Variants in COL8A1 observed in about 807,000 individuals in gnomAD.
COL8A1 encodes the protein collagen type VIII alpha 1 chain, also known as collagen alpha-1(VIII) chain.
Under a neutral mutation model 42.7 loss-of-function variants are expected in COL8A1, and 21 were observed. That is an observed-to-expected ratio of 0.49 (90% CI 0.35 to 0.71). The LOEUF (loss-of-function observed/expected upper bound fraction) is 0.71. Ranked by LOEUF, COL8A1 falls within the 30% of genes least tolerant of loss-of-function variation. The probability of loss-of-function intolerance (pLI) is 0.01; values close to 1 mark genes in which losing one functional copy is unlikely to be tolerated. For missense variants in COL8A1, 788 were observed against 962.4 expected (o/e 0.82, Z 2.40); for synonymous variants, 367 against 369.1 (o/e 0.99, Z 0.06).
chr3:99,750,253 C>T (rs1397001422), intron 2 of COL8A1, among the ~76,000 whole-genome samples: 1 of 151,806 alleles, frequency 6.6e-6, no homozygotes, highest in South Asian at 2.1e-4. Flanking sequence ...GACAGGGTTT[C>T]GCCATGTTGG....
chr3:99,672,666 T>C (rs1334875633), intron 1 of COL8A1, among the ~76,000 whole-genome samples: 2 of 152,018 alleles, frequency 1.3e-5, no homozygotes, highest in Non-Finnish European at 2.9e-5. Flanking sequence ...ATAATTATAC[T>C]ACCAGTAATT....
At chr3:99,756,359 C>T (rs921937957) in intron 2 of COL8A1, among the ~76,000 whole-genome samples, 4 of 152,104 alleles carry the variant, frequency 2.6e-5, no homozygotes, top group African/African-American at 9.7e-5. Flanking sequence ...TTATATTCTG[C>T]CACATGGAGT....
In COL8A1 at chr3:99,662,634, C is replaced by T. The variant is rs144567750; in HGVS notation, c.-129+23970C>T. ...CTAAGGCTAGCACGACAAAATGCAA[C>T]AAACTGGGTGACTTGCAACAGTTCT... On this transcript the variant is annotated intron_variant, in intron 1 of 3. Transcript: ENST00000652472. 2.0e-3 allele frequency among the ~76,000 whole-genome samples: 308 copies of T among 152,246 alleles called. 3 individuals carry two copies. The highest frequency in any genetic ancestry group is 0.012 in the South Asian group (57 of 4,824).
rs550894788 is a variant in COL8A1, at chr3:99,797,216, C to T, written c.*1080C>T. The T allele has an allele frequency of 2.0e-5, 3 of 152,262 alleles. No individual in the cohort carries two copies. The highest frequency in any genetic ancestry group is 1.3e-4 in the Admixed American group (2 of 15,296). The allele number at this position is 152,262 out of a possible 1,614,324, so 9.4% of individuals were successfully genotyped here. A position where few individuals can be genotyped will look rare whatever the true frequency, so the allele number is the denominator to read the frequency against. On this transcript the variant is annotated 3_prime_UTR_variant, in exon 4 of 4. Transcript: ENST00000652472. ...ATTTTTAGTAACTGAATTTTGAGGA[C>T]ATTTCTCTGTTTAGCATGTATGCAA...
At chr3:99,712,225 T>A (rs760640060) in intron 1 of COL8A1, among the ~76,000 whole-genome samples, 9 of 152,138 alleles carry the variant, frequency 5.9e-5, no homozygotes, top group Non-Finnish European at 1.5e-5. Flanking sequence ...ACGGTTCAAG[T>A]GGTACTTTCT....
At chr3:99,777,425 T>G (rs1941714649) in intron 2 of COL8A1, among the ~76,000 whole-genome samples, 1 of 152,100 alleles carries the variant, frequency 6.6e-6, no homozygotes, top group Admixed American at 6.6e-5. Flanking sequence ...GAAAGTAAAA[T>G]AAATTGCAGA....
chr3:99,732,419 A>T (rs1940538160), intron 1 of COL8A1, among the ~76,000 whole-genome samples: 1 of 152,140 alleles, frequency 6.6e-6, no homozygotes, highest in South Asian at 2.1e-4. Context: ...TACTACAATC[A>T]TGGTGAAACG....
intron 1 of COL8A1, among the ~76,000 whole-genome samples, chr3:99,694,707 T>C (rs1336619434): frequency 6.6e-6 from 1 of 152,220 alleles, no homozygotes; most frequent in African/African-American, 2.4e-5. Flanking sequence ...CTTTGTACCT[T>C]TGAGGGATTC....
chr3:99,785,105 G>A (rs912897475), intron 2 of COL8A1, among the ~76,000 whole-genome samples: 2 of 152,150 alleles, frequency 1.3e-5, no homozygotes, highest in African/African-American at 4.8e-5. Flanking sequence ...TGTGAATCAA[G>A]AAAGGTAAGT....
intron 1 of COL8A1, among the ~76,000 whole-genome samples, chr3:99,682,366 C>G (rs1433240707): frequency 6.6e-6 from 1 of 152,016 alleles, no homozygotes; most frequent in East Asian, 1.9e-4. Flanking sequence ...TGCAGTGAGC[C>G]AAGATTGTGC....
intron 1 of COL8A1, chr3:99,675,848 T>C (rs41267901): frequency 0.095 from 14,452 of 152,394 alleles, 850 homozygotes; most frequent in Non-Finnish European, 0.14. Context: ...CACACATTAG[T>C]GTGAGCATTT....
intron 1 of COL8A1, among the ~76,000 whole-genome samples, chr3:99,682,061 A>G (rs931695527): frequency 1.3e-5 from 2 of 152,200 alleles, no homozygotes; most frequent in Non-Finnish European, 1.5e-5. Context: ...TTTAACTTTC[A>G]AATCTAGGAA....
chr3:99,795,436 C>T lies in COL8A1; in HGVS notation c.1535C>T (p.Pro512Leu), dbSNP rs1335981906. The change falls in exon 4 of 4, where the codon CCT (proline) becomes CTT (leucine). Residue 512 changes from proline to leucine, a missense_variant. By Grantham distance (98) the Pro-to-Leu change is moderately conservative. This residue lies in a region of COL8A1 where 154 missense variants were observed against 182.3 expected (regional missense o/e 0.84). Transcript: ENST00000652472. The stretch of plus-strand genomic sequence containing the variant: ...GGCCCTAGTGGCCCCATTGGACCAC[C>T]TGGGATTCCAGGCCCCAAAGGGGAG... ...IGGPSGPIGP[P>L]GIPGPKGEPG... 6.6e-7 allele frequency: 1 copy of T among 1,517,584 alleles called. No individual in the cohort carries two copies. The highest frequency in any genetic ancestry group is 2.3e-5 in the Admixed American group (1 of 44,350). 94.0% of individuals were successfully genotyped at this position (1,517,584 alleles called of 1,614,324 possible).
chr3:99,744,488 A>G (rs1366825532), intron 1 of COL8A1, among the ~76,000 whole-genome samples: 1 of 152,256 alleles, frequency 6.6e-6, no homozygotes, highest in Non-Finnish European at 1.5e-5. Flanking sequence ...AGAATAATTT[A>G]TAACTCAAAT....
rs539372881 is a variant in COL8A1, at chr3:99,768,809, C to T, written c.-3-21871C>T. On this transcript the variant is annotated intron_variant, in intron 2 of 3. Transcript: ENST00000652472. ...CTCTCCATCTGCCCAGTCCTTCATTCCAACTGGTACCTTCTAACTGGGACA... is the reference window on the plus strand; with the variant it reads ...CTCTCCATCTGCCCAGTCCTTCATTTCAACTGGTACCTTCTAACTGGGACA... Among the ~76,000 whole-genome samples the T allele has an allele frequency of 1.4e-4, 22 of 152,296 alleles. No homozygotes were observed. The South Asian group carries it at 4.1e-3, about 29-fold the overall frequency.
chr3:99,745,911 T>C (rs953144660), intron 2 of COL8A1, among the ~76,000 whole-genome samples: 2 of 152,144 alleles, frequency 1.3e-5, no homozygotes, highest in Non-Finnish European at 2.9e-5. Context: ...ATCCTATGCT[T>C]ATTACTATTG....
Position 99,795,258 on chromosome 3 carries a change from G to A in COL8A1, c.1357G>A (p.Gly453Ser). ...LGEVGPPGMR[G>S]LPGPIGPKGE... Reference sequence around the variant, plus strand: ...TGAAGTAGGGCCTCCTGGCATGAGGGGTTTGCCAGGTCCCATAGGGCCCAA... The same window carrying A: ...TGAAGTAGGGCCTCCTGGCATGAGGAGTTTGCCAGGTCCCATAGGGCCCAA... Residue 453 changes from glycine (G) to serine (S), a missense_variant, in exon 4 of 4, where the codon GGT becomes AGT. Coordinates refer to ENST00000652472, the MANE Select transcript of COL8A1 (RefSeq NM_020351.4). 1.2e-6 allele frequency: 2 copies of A among 1,613,194 alleles called. No homozygotes were observed. Among genetic ancestry groups the A allele is most frequent in the Non-Finnish European group, 1.7e-6 (2 of 1,179,552 alleles).
At chr3:99,682,205 A>G (rs1466354032) in intron 1 of COL8A1, among the ~76,000 whole-genome samples, 1 of 152,138 alleles carries the variant, frequency 6.6e-6, no homozygotes, top group African/African-American at 2.4e-5. Context: ...ACTTGAGGGC[A>G]GGAGTTCAAG....
chr3:99,780,771 T>G (rs1941779365), intron 2 of COL8A1, among the ~76,000 whole-genome samples: 1 of 152,226 alleles, frequency 6.6e-6, no homozygotes, highest in Non-Finnish European at 1.5e-5. Flanking sequence ...TTTCTCCACT[T>G]CCATTTTTCT....
Sources: allele counts gnomAD v4.1 joint callset (sites outside exome capture counted in the v4.1 genomes callset), GRCh38; gene constraint gnomAD v4.1.1; regional missense constraint gnomAD v4.1.1; transcripts MANE v1.5; gene names NCBI Gene and HGNC (gene_info 2026-07-23, HGNC 2026-07-21).